The following PCSK2 variants were observed in gnomAD, a reference collection of about 807,000 sequenced individuals.
The protein encoded by PCSK2 is proprotein convertase subtilisin/kexin type 2.
Under a neutral mutation model 69.7 loss-of-function variants are expected in PCSK2, and 14 were observed. The observed-to-expected ratio is 0.20, with a 90% CI of 0.13 to 0.31. The LOEUF is 0.31. Ranked by LOEUF, PCSK2 falls within the 10% of genes least tolerant of loss-of-function variation. The pLI is 1.00. For synonymous variants in PCSK2, 307 were observed against 320.7 expected (o/e 0.96, Z 0.46); for missense variants, 544 against 842.5 (o/e 0.65, Z 4.39).
At chr20:17,472,534 G>A (rs564339701) in intron 11 of PCSK2, among the ~76,000 whole-genome samples, 1 of 152,284 alleles carries the variant, frequency 6.6e-6, no homozygotes, top group East Asian at 1.9e-4. Flanking sequence ...TGTTACTATT[G>A]TGATTATTCT....
Position 17,260,353 on chromosome 20 carries a change from TC to T in PCSK2, c.282+13del. 1 of 1,588,704 alleles carries T rather than the reference TC, an allele frequency of 6.3e-7. No homozygotes were observed. Among genetic ancestry groups the T allele is most frequent in the Non-Finnish European group, 8.6e-7 (1 of 1,156,916 alleles). ...TGGAGAGAGACCCCAGGGTGAGTTT[TC>T]CCCAGAAACCTGCCTCCCAATCTCT... On this transcript the variant is annotated intron_variant, in intron 2 of 11. Transcript: ENST00000262545.
chr20:17,348,244 A>G (rs2029878698), intron 2 of PCSK2, among the ~76,000 whole-genome samples: 1 of 152,166 alleles, frequency 6.6e-6, no homozygotes, highest in Non-Finnish European at 1.5e-5. Flanking sequence ...CTCTTCTCAC[A>G]TTTGATTTGC....
chr20:17,244,213 A>C (rs558956370), intron 1 of PCSK2, among the ~76,000 whole-genome samples: 9 of 152,364 alleles, frequency 5.9e-5, no homozygotes, highest in African/African-American at 2.2e-4. Context: ...ACATGGCTAT[A>C]TGAGTTATTT....
At chr20:17,352,305 C>T (rs1435982383) in intron 2 of PCSK2, among the ~76,000 whole-genome samples, 1 of 152,138 alleles carries the variant, frequency 6.6e-6, no homozygotes, top group East Asian at 1.9e-4. Flanking sequence ...AACGCTTTTC[C>T]TACCAAACTA....
intron 2 of PCSK2, among the ~76,000 whole-genome samples, chr20:17,344,062 A>AG (rs1990582505): frequency 6.6e-6 from 1 of 152,220 alleles, no homozygotes; most frequent in South Asian, 2.1e-4. Context: ...CTAATCTAAG[A>AG]GCATGGATTG....
At chr20:17,387,378 G>A (rs1453611016) in intron 5 of PCSK2, among the ~76,000 whole-genome samples, 1 of 152,068 alleles carries the variant, frequency 6.6e-6, no homozygotes, top group Non-Finnish European at 1.5e-5. Flanking sequence ...GAGCAGTTTG[G>A]CTGGGTGGCT....
Position 17,453,692 on chromosome 20 carries a change from C to A in PCSK2, c.886-50C>A. The A allele has an allele frequency of 1.2e-6, 2 of 1,601,798 alleles. No individual in the cohort carries two copies. The highest frequency in any genetic ancestry group is 1.7e-6 in the Non-Finnish European group (2 of 1,175,910). ...CTGGGCTGGAGACCTCCCCTGCCCC[C>A]TCGCAGCCCAGGCTGTGGGTAGCGG... On this transcript the variant is annotated intron_variant, in intron 8 of 11. Coordinates refer to ENST00000262545, the MANE Select transcript of PCSK2 (RefSeq NM_002594.5). This position sits in a 1 kb window ranked among gnomAD's most constrained non-coding sequence, Gnocchi z 4.0.
chr20:17,239,288 T>C (rs1205749312), intron 1 of PCSK2, among the ~76,000 whole-genome samples: 1 of 152,190 alleles, frequency 6.6e-6, no homozygotes, highest in African/African-American at 2.4e-5. Flanking sequence ...AAGAAGGTAG[T>C]TGACATCCAA....
chr20:17,244,956 A>T (rs558984212), intron 1 of PCSK2, among the ~76,000 whole-genome samples: 42 of 152,016 alleles, frequency 2.8e-4, no homozygotes, highest in Non-Finnish European at 5.9e-4. Flanking sequence ...ACCTTCTTTT[A>T]TCTGCCCCTT....
At chr20:17,474,888 C>T (rs1038700591) in intron 11 of PCSK2, among the ~76,000 whole-genome samples, 12 of 152,116 alleles carry the variant, frequency 7.9e-5, no homozygotes, top group South Asian at 2.1e-4. Context: ...GTATCACCAA[C>T]GATGACATAA....
Position 17,418,539 on chromosome 20 carries a change from A to C in PCSK2, c.620+9200A>C, listed in dbSNP as rs1568641178. Among the ~76,000 whole-genome samples the C allele has an allele frequency of 2.6e-5, 4 of 152,158 alleles. No individual in the cohort carries two copies. The South Asian group carries it at 8.3e-4, about 32-fold the overall frequency. Reference sequence around the variant, plus strand: ...AGGTGGAGCATAAAAGGGTTGAAAAAGTTGCTAGGAGAAAGAAATAAATTC... The same window carrying C: ...AGGTGGAGCATAAAAGGGTTGAAAACGTTGCTAGGAGAAAGAAATAAATTC... On this transcript the variant is annotated intron_variant, in intron 6 of 11. Transcript: ENST00000262545.
At position 17,415,213 on chromosome 20, in the gene PCSK2, G is replaced by A. The variant is rs137901228; in HGVS notation, c.620+5874G>A. Among the ~76,000 whole-genome samples the A allele has an allele frequency of 3.1e-4, 47 of 152,212 alleles. No individual in the cohort carries two copies. In the East Asian group the frequency reaches 7.5e-3, roughly 24 times the overall value. On this transcript the variant is annotated intron_variant, in intron 6 of 11. Transcript: ENST00000262545. ...CAATCAGGCAAGAGAAAGAAATAACGGTATTCAAATAGGAAAAAAGGAAGT... is the reference window on the plus strand; with the variant it reads ...CAATCAGGCAAGAGAAAGAAATAACAGTATTCAAATAGGAAAAAAGGAAGT...
intron 8 of PCSK2, among the ~76,000 whole-genome samples, chr20:17,440,963 G>A (rs1417477127): frequency 6.6e-6 from 1 of 152,140 alleles, no homozygotes; most frequent in African/African-American, 2.4e-5. Flanking sequence ...CTGATCCAAG[G>A]TGGCTGCAGG....
intron 2 of PCSK2, among the ~76,000 whole-genome samples, chr20:17,266,870 C>G (rs926012277): frequency 1.3e-5 from 2 of 152,120 alleles, no homozygotes; most frequent in African/African-American, 4.8e-5. Flanking sequence ...GTCCTGCTAC[C>G]AAAGGCAATT....
intron 1 of PCSK2, among the ~76,000 whole-genome samples, chr20:17,245,647 T>C (rs1423494060): frequency 6.6e-6 from 1 of 152,152 alleles, no homozygotes; most frequent in Non-Finnish European, 1.5e-5. Context: ...TTTTTTTTGC[T>C]AGAATATCTG....
intron 7 of PCSK2, among the ~76,000 whole-genome samples, chr20:17,434,086 T>TTC (rs922283503): frequency 3.6e-5 from 5 of 138,108 alleles, no homozygotes. Context: ...TCTCTCTACC[T>TTC]TCTCTCTCTC....
At chr20:17,309,893 A>G (rs7361857) in intron 2 of PCSK2, among the ~76,000 whole-genome samples, 4 of 148,770 alleles carry the variant, frequency 2.7e-5, no homozygotes, top group South Asian at 2.3e-4. Context: ...AAGAGGAGGA[A>G]GAGGAAGAAG....
At chr20:17,427,238 G>A (rs559649404) in intron 6 of PCSK2, among the ~76,000 whole-genome samples, 1 of 152,252 alleles carries the variant, frequency 6.6e-6, no homozygotes, top group East Asian at 1.9e-4. Context: ...TATTCATATT[G>A]CTGGATATAT....
intron 2 of PCSK2, among the ~76,000 whole-genome samples, chr20:17,278,024 C>G (rs1600441054): frequency 6.6e-6 from 1 of 152,016 alleles, no homozygotes; most frequent in South Asian, 2.1e-4. Context: ...AATGAGATAC[C>G]ATCTCACACC....
Sources: allele counts gnomAD v4.1 joint callset (sites outside exome capture counted in the v4.1 genomes callset), GRCh38; gene constraint gnomAD v4.1.1; non-coding constraint Gnocchi (gnomAD v3.1); transcripts MANE v1.5; gene names NCBI Gene and HGNC (gene_info 2026-07-23, HGNC 2026-07-21).